Variants in OGDH observed in about 807,000 individuals in gnomAD.
The protein encoded by OGDH is 2-oxoglutarate dehydrogenase complex component E1.
A neutral mutation model predicts 116.6 loss-of-function variants in OGDH; 38 were observed. That is an observed-to-expected ratio of 0.33 (90% CI 0.25 to 0.43). OGDH has a LOEUF of 0.43. OGDH is among the 20% of genes least tolerant of loss of function. OGDH has a pLI of 1.00. For missense variants in OGDH, 825 were observed against 1,357.2 expected, an observed-to-expected ratio of 0.61 and a Z score of 6.16; for synonymous variants, 488 against 533.3, an observed-to-expected ratio of 0.92 and a Z score of 1.17.
At chr7:44,608,031 C>T (rs148605877) in intron 1 of OGDH, among the ~76,000 whole-genome samples, 1 of 152,212 alleles carries the variant, frequency 6.6e-6, no homozygotes, top group Non-Finnish European at 1.5e-5. Context: ...GCACTTTTCA[C>T]ATTTCAGTTA....
intron 1 of OGDH, among the ~76,000 whole-genome samples, chr7:44,610,853 C>T (rs886789541): frequency 6.6e-6 from 1 of 152,078 alleles, no homozygotes; most frequent in East Asian, 1.9e-4. Context: ...GTGATCGACA[C>T]CCCCTTGGCC....
chr7:44,703,323 G>C (rs2116410362), intron 20 of OGDH, among the ~76,000 whole-genome samples: 1 of 152,178 alleles, frequency 6.6e-6, no homozygotes, highest in East Asian at 1.9e-4. Context: ...CAGGAGAATT[G>C]CTTGAACCCG....
At chr7:44,682,464 A>G (rs2116239440) in intron 10 of OGDH, among the ~76,000 whole-genome samples, 2 of 150,896 alleles carry the variant, frequency 1.3e-5, no homozygotes, top group African/African-American at 4.9e-5. Flanking sequence ...TTGGGAGGCC[A>G]AGGTGGGCAG....
At chr7:44,623,244 C>T (rs187014205) in intron 1 of OGDH, among the ~76,000 whole-genome samples, 149 of 152,216 alleles carry the variant, frequency 9.8e-4, no homozygotes, top group Non-Finnish European at 1.8e-3. Context: ...GCCTCGTCTT[C>T]CCTCCTTCCC....
chr7:44,684,899 C>T (rs896311000), intron 10 of OGDH, among the ~76,000 whole-genome samples: 24 of 152,142 alleles, frequency 1.6e-4, no homozygotes, highest in South Asian at 1.2e-3. Context: ...AAGCGATTCT[C>T]CTGTCTGTCT....
intron 2 of OGDH, among the ~76,000 whole-genome samples, chr7:44,640,696 A>G (rs112675381): frequency 1.3e-3 from 203 of 152,160 alleles, no homozygotes; most frequent in African/African-American, 4.1e-3. Flanking sequence ...TAGGGGTTTA[A>G]TAAAGTTTGG....
At chr7:44,672,645 T>TG (rs1562659002) in intron 5 of OGDH, among the ~76,000 whole-genome samples, 1 of 113,388 alleles carries the variant, frequency 8.8e-6, no homozygotes, top group African/African-American at 3.2e-5. Context: ...TTGTTTTTTG[T>TG]TTTTTTTTTT....
At chr7:44,650,274 AC>A (rs201920129) in intron 4 of OGDH, among the ~76,000 whole-genome samples, 9,560 of 152,200 alleles carry the variant, frequency 0.063, 374 homozygotes, top group Middle Eastern at 0.095. Context: ...GTCAGATGTG[AC>A]CGCTAGACAG....
chr7:44,658,240 A>G (rs1786781158), intron 4 of OGDH, among the ~76,000 whole-genome samples: 1 of 152,118 alleles, frequency 6.6e-6, no homozygotes, highest in South Asian at 2.1e-4. Flanking sequence ...TGCACATAGT[A>G]TGTCTCCTCA....
chr7:44,663,680 A>T (rs1286294603), intron 4 of OGDH, among the ~76,000 whole-genome samples: 1 of 152,194 alleles, frequency 6.6e-6, no homozygotes, highest in Non-Finnish European at 1.5e-5. Context: ...AGGCTGATGC[A>T]GGAGAATTGC....
At chr7:44,701,395 T>C in intron 19 of OGDH, 148 bp from the exon 20 acceptor site, 1 of 659,584 alleles carries the variant, frequency 1.5e-6, no homozygotes, top group Non-Finnish European at 2.7e-6. Context: ...CCTCCTTCTC[T>C]GCCTCTTCTG....
chr7:44,697,108 A>G lies in OGDH; in HGVS notation c.2051+44A>G. 1.9e-6 allele frequency: 3 copies of G among 1,594,050 alleles called. No homozygotes were observed. The highest frequency in any genetic ancestry group is 2.3e-5 in the East Asian group (1 of 44,360). On this transcript the variant is annotated intron_variant, in intron 15 of 22. Transcript: ENST00000222673. This position sits in a 1 kb window ranked among gnomAD's most constrained non-coding sequence, Gnocchi z 6.0. ...TTGTTTGCCCTCCAAAGAGTAGAAG[A>G]TGGAAAGGGAGGGGTTCTGGTGTTT...
At chr7:44,614,220 G>A (rs1171027829) in intron 1 of OGDH, among the ~76,000 whole-genome samples, 2 of 151,098 alleles carry the variant, frequency 1.3e-5, no homozygotes, top group African/African-American at 4.9e-5. Context: ...CCAAAGTGCT[G>A]GGATTACAGG....
Position 44,681,830 on chromosome 7 carries a change from C to T in OGDH, c.1317C>T (p.His439=), listed in dbSNP as rs765248019. ...LPSYTTHGTV[H]VVVNNQIGFT... The stretch of plus-strand genomic sequence containing the variant: ...CCTACACAACTCATGGCACCGTGCA[C>T]GTGGTCGTCAACAACCAGGTACCTC... Residue 439 remains histidine, a synonymous_variant, in exon 10 of 23, where the codon CAC becomes CAT. Coordinates refer to ENST00000222673, the MANE Select transcript of OGDH (RefSeq NM_002541.4). 29 of 1,614,038 alleles carry T rather than the reference C, an allele frequency of 1.8e-5. No homozygotes were observed. In the Admixed American group the frequency reaches 3.2e-4, roughly 18 times the overall value.
chr7:44,623,868 TCTC>T (rs1454982314), intron 1 of OGDH, among the ~76,000 whole-genome samples: 1 of 152,144 alleles, frequency 6.6e-6, no homozygotes, highest in African/African-American at 2.4e-5. Context: ...ATGGTCTTGA[TCTC>T]CTGACCTCGT....
At chr7:44,678,325 G>A (rs991956624) in intron 9 of OGDH, among the ~76,000 whole-genome samples, 12 of 152,158 alleles carry the variant, frequency 7.9e-5, no homozygotes, top group African/African-American at 2.9e-4. Context: ...GCTGAGTAGT[G>A]GAATGAGATT....
chr7:44,687,091 A>ATTTTTT (rs59074567), intron 10 of OGDH, among the ~76,000 whole-genome samples: 15 of 95,532 alleles, frequency 1.6e-4, no homozygotes, highest in East Asian at 3.2e-4. Context: ...ATTTTTTTTA[A>ATTTTTT]TTTTTTTTTT....
At chr7:44,674,038 TGA>T (rs1390504708) in intron 6 of OGDH, 97 bp downstream of exon 6, 3 of 1,439,432 alleles carry the variant, frequency 2.1e-6, no homozygotes, top group Non-Finnish European at 2.9e-6. Flanking sequence ...TTGGCCGAGG[TGA>T]GAGGGGGTTT....
intron 20 of OGDH, among the ~76,000 whole-genome samples, chr7:44,705,070 T>C (rs1789008492): frequency 1.5e-5 from 2 of 131,746 alleles, no homozygotes; most frequent in Non-Finnish European, 3.1e-5. Flanking sequence ...TTTTTTTTTT[T>C]GAGACGGAGT....
Sources: gnomAD v4.1 joint callset for allele counts (sites outside exome capture counted in the v4.1 genomes callset) on GRCh38, gnomAD v4.1.1 for gene constraint, Gnocchi (gnomAD v3.1) non-coding constraint, MANE v1.5 for transcripts, NCBI Gene and HGNC (gene_info 2026-07-23, HGNC 2026-07-21) for gene names.